Variants in SEMA3D observed in about 807,000 individuals in gnomAD.
SEMA3D encodes the protein semaphorin-3D.
A neutral mutation model predicts 100.1 loss-of-function variants in SEMA3D; 84 were observed. The ratio of observed to expected loss-of-function variants is 0.84; its 90% CI spans 0.70 to 1.01. The LOEUF is 1.01. Ranked by LOEUF, SEMA3D falls within the 50% of genes least tolerant of loss-of-function variation. SEMA3D has a pLI of 0.00. For synonymous variants in SEMA3D, 312 were observed against 320.7 expected (o/e 0.97, Z 0.29); for missense variants, 875 against 934.1 (o/e 0.94, Z 0.82).
chr7:85,215,384 A>G, the SEMA3D span, among the ~76,000 whole-genome samples: 1 of 152,160 alleles, frequency 6.6e-6, no homozygotes, highest in Non-Finnish European at 1.5e-5. Context: ...ATTGTCTCTT[A>G]GTATGACAGA....
rs993855893 is a variant in SEMA3D at position 85,032,733 on chromosome 7, A to G, written c.1191+4156T>C. 3.3e-5 allele frequency among the ~76,000 whole-genome samples: 5 copies of G among 152,266 alleles called. No homozygotes were observed. In the South Asian group the frequency reaches 8.3e-4, roughly 25 times the overall value. On this transcript the variant is annotated intron_variant, in intron 12 of 18. Transcript: ENST00000284136. ...TAGATATAACAGTTTAACTCAGTAC[A>G]ACCAAAAAGAAAATCCTCCTTCTTT... is the stretch of plus-strand genomic sequence containing the variant.
At chr7:85,090,110 T>C (rs1164945963) in intron 4 of SEMA3D, among the ~76,000 whole-genome samples, 2 of 152,172 alleles carry the variant, frequency 1.3e-5, no homozygotes, top group Non-Finnish European at 1.5e-5. Flanking sequence ...TAGTAAGCAC[T>C]GATGTCTGGT....
At chr7:85,092,045 A>G (rs1181901776) in intron 4 of SEMA3D, among the ~76,000 whole-genome samples, 1 of 152,032 alleles carries the variant, frequency 6.6e-6, no homozygotes, top group African/African-American at 2.4e-5. Flanking sequence ...TTTCTCAAAC[A>G]TATTTTTCCC....
chr7:85,133,964 C>T (rs992602126), intron 2 of SEMA3D, among the ~76,000 whole-genome samples: 1 of 151,928 alleles, frequency 6.6e-6, no homozygotes, highest in Non-Finnish European at 1.5e-5. Flanking sequence ...AGTCTGGAAA[C>T]TCCCATATTC....
Position 84,999,557 on chromosome 7 carries a change from C to G in SEMA3D, c.2217G>C (p.Lys739Asn), listed in dbSNP as rs748609685. Residue 739 changes from lysine (K) to asparagine (N), a missense_variant, in exon 19 of 19, where the codon AAG (lysine) becomes AAC (asparagine). By Grantham distance (94) the Lys-to-Asn change is moderately conservative. Transcript: ENST00000284136. ...GGCCCCCCTTGTTTCTCTGTCTCCG[C>G]TTCTCCCTGTGCCACATCTGTTCGC... Reference protein sequence around the residue: ...QYCEQMWHREKRRQRNKGGPK... With the variant: ...QYCEQMWHRENRRQRNKGGPK... 1 of 1,614,002 alleles carries G rather than the reference C, an allele frequency of 6.2e-7. No homozygotes were observed. Among genetic ancestry groups the G allele is most frequent in the Non-Finnish European group, 8.5e-7 (1 of 1,180,016 alleles).
chr7:85,020,248 C>T lies in SEMA3D; in HGVS notation c.1488G>A (p.Glu496=). The T allele has an allele frequency of 2.5e-6, 4 of 1,608,506 alleles. No individual in the cohort carries two copies. The highest frequency in any genetic ancestry group is 3.4e-6 in the Non-Finnish European group (4 of 1,175,924). ...KWNMEEVVLE[E]LQIFKHSSII... is the part of the protein sequence containing the mutation. ...TGAGTCTTACCTTGAATATCTGCAA[C>T]TCCTCCAGCACTACCTCTTCCATAT... is the stretch of plus-strand genomic sequence containing the variant. Residue 496 remains glutamate (E), a synonymous_variant, in exon 14 of 19, where the codon GAG becomes GAA. Transcript: ENST00000284136.
chr7:85,191,195 TTGAC>T (rs1791687422), upstream of SEMA3D, among the ~76,000 whole-genome samples: 1 of 152,100 alleles, frequency 6.6e-6, no homozygotes, highest in African/African-American at 2.4e-5. Context: ...AAAATCCTTC[TTGAC>T]TACCAACATT....
At chr7:85,039,218 C>G (rs926795861) in intron 11 of SEMA3D, among the ~76,000 whole-genome samples, 19 of 152,222 alleles carry the variant, frequency 1.2e-4, no homozygotes, top group African/African-American at 4.3e-4. Flanking sequence ...AAAATTAAGT[C>G]TGTGGGGCCC....
At chr7:85,219,645 C>G in the SEMA3D span, among the ~76,000 whole-genome samples, 8 of 152,130 alleles carry the variant, frequency 5.3e-5, no homozygotes, top group Non-Finnish European at 1.2e-4. Context: ...CAGGCACACA[C>G]TCACAGGAGA....
In SEMA3D at chr7:85,042,161, A is replaced by T. The variant is rs763775795; in HGVS notation, c.976+10T>A. The stretch of plus-strand genomic sequence containing the variant: ...GGCCTTTCCAAGAAAGAAGGAAAGA[A>T]GGAACTTACGAAGCTCATCAAAGTA... On this transcript the variant is annotated intron_variant, in intron 10 of 18. Coordinates refer to ENST00000284136, the MANE Select transcript of SEMA3D (RefSeq NM_001384900.1). 1.9e-6 allele frequency: 3 copies of T among 1,567,524 alleles called. No individual in the cohort carries two copies. In the South Asian group the frequency reaches 3.3e-5, roughly 17 times the overall value.
intron 1 of SEMA3D, among the ~76,000 whole-genome samples, chr7:85,162,825 G>C (rs562963588): frequency 6.6e-6 from 1 of 152,126 alleles, no homozygotes; most frequent in Non-Finnish European, 1.5e-5. Flanking sequence ...AGAACAGAAG[G>C]TTCCAGTAGC....
chr7:85,093,676 TACTC>T (rs1282161637), intron 4 of SEMA3D, among the ~76,000 whole-genome samples: 1 of 152,018 alleles, frequency 6.6e-6, no homozygotes, highest in Non-Finnish European at 1.5e-5. Context: ...AGTGGTTTCT[TACTC>T]AAAAAAGGAA....
At chr7:85,209,702 A>G in the SEMA3D span, among the ~76,000 whole-genome samples, 27 of 152,230 alleles carry the variant, frequency 1.8e-4, no homozygotes, top group African/African-American at 6.3e-4. Context: ...TAGAAACTAG[A>G]AAACTCAAGC....
intron 1 of SEMA3D, among the ~76,000 whole-genome samples, chr7:85,179,720 G>T (rs1791343700): frequency 6.6e-6 from 1 of 151,008 alleles, no homozygotes; most frequent in Non-Finnish European, 1.5e-5. Flanking sequence ...GGACTGCAGT[G>T]GTGCTATCTC....
chr7:85,046,956 T>G (rs1791025399), intron 9 of SEMA3D, among the ~76,000 whole-genome samples: 1 of 151,912 alleles, frequency 6.6e-6, no homozygotes, highest in Admixed American at 6.6e-5. Context: ...TCTACACTAT[T>G]TATCATTCAC....
At chr7:85,042,075 A>C in intron 10 of SEMA3D, 96 bp downstream of exon 10, 2 of 891,446 alleles carry the variant, frequency 2.2e-6, no homozygotes, top group Non-Finnish European at 3.7e-6. Context: ...GCTCAGGTAA[A>C]ATTAATCAGG....
intron 15 of SEMA3D, among the ~76,000 whole-genome samples, chr7:85,017,970 T>C (rs552206216): frequency 3.4e-4 from 51 of 151,870 alleles, no homozygotes; most frequent in African/African-American, 1.2e-3. Context: ...GAATGTCTAA[T>C]GGGCTTGATA....
chr7:85,200,754 G>A, the SEMA3D span, among the ~76,000 whole-genome samples: 1 of 152,138 alleles, frequency 6.6e-6, no homozygotes, highest in African/African-American at 2.4e-5. Flanking sequence ...AGGTCTTCAG[G>A]GCAGCCCCTC....
intron 7 of SEMA3D, among the ~76,000 whole-genome samples, chr7:85,066,913 C>CACATACACACACAGAGAGAGAGAGAG: frequency 1.6e-5 from 2 of 127,760 alleles, no homozygotes; most frequent in South Asian, 4.8e-4. Flanking sequence ...CACACACACA[C>CACATACACACACAGAGAGAGAGAGAG]AGAGAGAGAG....
Sources: gnomAD v4.1 joint callset for allele counts (sites outside exome capture counted in the v4.1 genomes callset) on GRCh38, gnomAD v4.1.1 for gene constraint, MANE v1.5 for transcripts, NCBI Gene and HGNC (gene_info 2026-07-23, HGNC 2026-07-21) for gene names.